The following DLGAP2 variants were observed in gnomAD, a reference collection of about 807,000 sequenced individuals.
DLGAP2 encodes the protein disks large-associated protein 2.
In DLGAP2, 26 loss-of-function variants were observed where a neutral mutation model predicts 100.3. The observed-to-expected ratio is 0.26, with a 90% CI of 0.19 to 0.36. The LOEUF (loss-of-function observed/expected upper bound fraction) is 0.36, where lower values mean the gene tolerates loss of function less well. Among genes scored for constraint, DLGAP2 ranks in the 10% least tolerant of loss-of-function variants. The probability of loss-of-function intolerance (pLI) is 1.00; values close to 1 mark genes in which losing one functional copy is unlikely to be tolerated. For synonymous variants in DLGAP2, 886 were observed against 630.1 expected, an observed-to-expected ratio of 1.41 and a Z score of -6.08; for missense variants, 1,858 against 1,453.2, an observed-to-expected ratio of 1.28 and a Z score of -4.53.
chr8:1,530,371 C>T (rs186276622), intron 4 of DLGAP2, among the ~76,000 whole-genome samples: 1,532 of 152,232 alleles, frequency 0.01, 12 homozygotes, highest in Non-Finnish European at 0.017. Flanking sequence ...CCCAGCTCAC[C>T]GGTGGTCAGA....
At chr8:1,697,513 C>T (rs1799432144) in intron 14 of DLGAP2, among the ~76,000 whole-genome samples, 1 of 152,198 alleles carries the variant, frequency 6.6e-6, no homozygotes, top group Non-Finnish European at 1.5e-5. Context: ...AAGCCTTGGG[C>T]ATGGGTGGTA....
At position 792,478 on chromosome 8, in the gene DLGAP2, T is replaced by C. The variant is rs910844589; in HGVS notation, c.18+54653T>C. Among the ~76,000 whole-genome samples the C allele has an allele frequency of 2.6e-5, 4 of 152,330 alleles. No homozygotes were observed. In the East Asian group the frequency reaches 7.7e-4, roughly 29 times the overall value. ...TCATGTTTCACCATAATAAAAACGG[T>C]TCTAATGTTTCATCATTGCATGAAT... On this transcript the variant is annotated intron_variant, in intron 1 of 14. Transcript: ENST00000637795.
chr8:1,174,298 C>A (rs1016330256), intron 2 of DLGAP2, among the ~76,000 whole-genome samples: 6 of 151,926 alleles, frequency 3.9e-5, no homozygotes, highest in African/African-American at 1.5e-4. Flanking sequence ...CCATCATCAC[C>A]ACCGTCATTA....
chr8:974,798 G>A (rs1402916362), intron 2 of DLGAP2, among the ~76,000 whole-genome samples: 2 of 152,122 alleles, frequency 1.3e-5, no homozygotes, highest in Non-Finnish European at 2.9e-5. Flanking sequence ...TAGAAATGGA[G>A]TAAGATCCAA....
At chr8:1,239,541 T>C (rs1798735901) in intron 2 of DLGAP2, among the ~76,000 whole-genome samples, 2 of 115,912 alleles carry the variant, frequency 1.7e-5, no homozygotes, top group Non-Finnish European at 1.7e-5. Context: ...TGTCTAGTTC[T>C]CTCACATGGC....
At chr8:1,328,274 TC>T (rs1801068760) in intron 3 of DLGAP2, among the ~76,000 whole-genome samples, 1 of 152,102 alleles carries the variant, frequency 6.6e-6, no homozygotes, top group East Asian at 1.9e-4. Flanking sequence ...ACTCCTGACC[TC>T]GTGATCCACC....
At chr8:1,586,294 G>A (rs1287339577) in intron 6 of DLGAP2, among the ~76,000 whole-genome samples, 1 of 152,204 alleles carries the variant, frequency 6.6e-6, no homozygotes. Flanking sequence ...GAAGCCCCGT[G>A]TCCTTGTTGT....
At chr8:1,165,224 G>A (rs1585115185) in intron 2 of DLGAP2, among the ~76,000 whole-genome samples, 1 of 149,980 alleles carries the variant, frequency 6.7e-6, no homozygotes, top group Non-Finnish European at 1.5e-5. Flanking sequence ...TGGGGGGGCG[G>A]GAGGAACAGA....
At chr8:809,841 A>T (rs778130684) in intron 1 of DLGAP2, among the ~76,000 whole-genome samples, 4 of 152,046 alleles carry the variant, frequency 2.6e-5, no homozygotes, top group Non-Finnish European at 4.4e-5. Flanking sequence ...CTCACTGTTC[A>T]TTCTCTAGGA....
chr8:806,148 A>T (rs932086056), intron 1 of DLGAP2, among the ~76,000 whole-genome samples: 1 of 152,172 alleles, frequency 6.6e-6, no homozygotes, highest in African/African-American at 2.4e-5. Context: ...CCTGTGTAGA[A>T]TTGCAGCTGA....
chr8:1,435,071 G>T (rs1797576428), intron 3 of DLGAP2, among the ~76,000 whole-genome samples: 1 of 152,156 alleles, frequency 6.6e-6, no homozygotes, highest in African/African-American at 2.4e-5. Context: ...CGTCCTTATT[G>T]CTCCTGGAAG....
intron 6 of DLGAP2, among the ~76,000 whole-genome samples, chr8:1,592,424 T>C (rs536138728): frequency 6.6e-6 from 1 of 152,186 alleles, no homozygotes; most frequent in East Asian, 1.9e-4. Context: ...ACTTTACCCC[T>C]GTGTTTCTGC....
intron 6 of DLGAP2, among the ~76,000 whole-genome samples, chr8:1,605,884 G>C (rs1796780621): frequency 6.6e-6 from 1 of 152,164 alleles, no homozygotes; most frequent in Non-Finnish European, 1.5e-5. Context: ...TGCCAAATTT[G>C]GAATCAGAAG....
intron 3 of DLGAP2, among the ~76,000 whole-genome samples, chr8:1,426,182 G>A (rs961462788): frequency 6.6e-6 from 1 of 152,154 alleles, no homozygotes; most frequent in African/African-American, 2.4e-5. Flanking sequence ...ACTGTGAACT[G>A]ACTTTGTCCA....
At chr8:1,222,208 CTGA>C (rs1423573499) in intron 2 of DLGAP2, among the ~76,000 whole-genome samples, 1 of 152,188 alleles carries the variant, frequency 6.6e-6, no homozygotes, top group African/African-American at 2.4e-5. Flanking sequence ...TCTGTGTGGG[CTGA>C]TGTTACTTTA....
At chr8:1,280,833 A>C (rs1043265129) in intron 3 of DLGAP2, among the ~76,000 whole-genome samples, 1 of 152,210 alleles carries the variant, frequency 6.6e-6, no homozygotes, top group Non-Finnish European at 1.5e-5. Context: ...AATGGGACAC[A>C]TAGGCCATCC....
intron 2 of DLGAP2, among the ~76,000 whole-genome samples, chr8:1,136,298 C>G (rs760176740): frequency 1.5e-5 from 2 of 132,572 alleles, no homozygotes; most frequent in African/African-American, 2.7e-5. Flanking sequence ...CTTCAAACCT[C>G]GTAAAAAAAA....
At chr8:1,066,945 C>T (rs1044511617) in intron 2 of DLGAP2, among the ~76,000 whole-genome samples, 1 of 152,184 alleles carries the variant, frequency 6.6e-6, no homozygotes, top group Admixed American at 6.5e-5. Context: ...CTGGTCGCAG[C>T]AGGCGGCCCA....
rs370146542 is a variant in DLGAP2, at chr8:1,328,914, T to TCA, written c.106+70031_106+70032insCA. On this transcript the variant is annotated intron_variant, in intron 3 of 14. Transcript: ENST00000637795. ...GAAGCTTTCAGGAAATGGCATGAAA[T>TCA]AATGAAGGGTCTGATCCTCTGCAGC... Among the ~76,000 whole-genome samples the TCA allele has an allele frequency of 1.3e-3, 193 of 152,300 alleles. 1 individual carries two copies. The highest frequency in any genetic ancestry group is 4.5e-3 in the African/African-American group (187 of 41,568).
Sources: allele counts gnomAD v4.1 joint callset (sites outside exome capture counted in the v4.1 genomes callset), GRCh38; gene constraint gnomAD v4.1.1; transcripts MANE v1.5; gene names NCBI Gene and HGNC (gene_info 2026-07-23, HGNC 2026-07-21).